The following MAML2 variants were observed in gnomAD, a reference collection of about 807,000 sequenced individuals.
The protein encoded by MAML2 is mastermind-like protein 2.
Under a neutral mutation model 96.1 loss-of-function variants are expected in MAML2, and 22 were observed. The observed-to-expected ratio is 0.23, with a 90% CI of 0.16 to 0.33. The LOEUF (loss-of-function observed/expected upper bound fraction) is 0.33, where lower values mean the gene tolerates loss of function less well. Ranked by LOEUF, MAML2 falls within the 10% of genes least tolerant of loss-of-function variation. The pLI, the probability that MAML2 is intolerant of heterozygous loss-of-function variation, is 1.00. For missense variants in MAML2, 1,367 were observed against 1,392.4 expected (o/e 0.98, Z 0.29); for synonymous variants, 561 against 521.3 (o/e 1.08, Z -1.04).
At chr11:96,116,018 A>G (rs1224219198) in intron 1 of MAML2, among the ~76,000 whole-genome samples, 1 of 152,156 alleles carries the variant, frequency 6.6e-6, no homozygotes, top group African/African-American at 2.4e-5. Flanking sequence ...AAGCTGGTAA[A>G]CTTTTTTTTC....
chr11:96,333,665 C>T (rs186564750), intron 1 of MAML2, among the ~76,000 whole-genome samples: 263 of 152,290 alleles, frequency 1.7e-3, no homozygotes, highest in African/African-American at 5.7e-3. Context: ...GTTGGAAAGA[C>T]GGCAAATCTG....
At chr11:96,313,391 G>A (rs893017424) in intron 1 of MAML2, among the ~76,000 whole-genome samples, 2 of 152,164 alleles carry the variant, frequency 1.3e-5, no homozygotes, top group South Asian at 4.1e-4. Context: ...AGGCTCACTG[G>A]AATTTCGGAA....
intron 2 of MAML2, among the ~76,000 whole-genome samples, chr11:96,068,990 T>C (rs1465972607): frequency 1.4e-5 from 2 of 143,886 alleles, no homozygotes; most frequent in Middle Eastern, 3.6e-3. Flanking sequence ...GGTGTGATCA[T>C]AGCTCACTGC....
At chr11:96,037,527 A>G (rs1858737316) in intron 2 of MAML2, among the ~76,000 whole-genome samples, 1 of 152,224 alleles carries the variant, frequency 6.6e-6, no homozygotes, top group African/African-American at 2.4e-5. Flanking sequence ...TGGAAAACTA[A>G]TAAATACTTA....
chr11:96,141,620 G>A (rs1860731335), intron 1 of MAML2, among the ~76,000 whole-genome samples: 1 of 152,142 alleles, frequency 6.6e-6, no homozygotes, highest in African/African-American at 2.4e-5. Flanking sequence ...CATAGAAAAA[G>A]GGGTGATTCT....
At chr11:96,227,066 G>T (rs868229329) in intron 1 of MAML2, among the ~76,000 whole-genome samples, 2 of 152,136 alleles carry the variant, frequency 1.3e-5, no homozygotes, top group African/African-American at 2.4e-5. Flanking sequence ...ATGTCAAGCT[G>T]TCTCCTACCT....
chr11:96,248,113 C>CTTTTTT (rs35775102), intron 1 of MAML2, among the ~76,000 whole-genome samples: 2 of 132,248 alleles, frequency 1.5e-5, no homozygotes, highest in African/African-American at 5.6e-5. Flanking sequence ...TGTTTTTTTA[C>CTTTTTT]TTTTTTTTTT....
At chr11:96,008,474 T>G (rs1031707039) in intron 2 of MAML2, among the ~76,000 whole-genome samples, 4 of 152,206 alleles carry the variant, frequency 2.6e-5, no homozygotes, top group African/African-American at 7.2e-5. Context: ...GAACAACTTT[T>G]CAGCTGCTGG....
chr11:96,137,946 C>T (rs1370160858), intron 1 of MAML2, among the ~76,000 whole-genome samples: 1 of 152,058 alleles, frequency 6.6e-6, no homozygotes, highest in African/African-American at 2.4e-5. Flanking sequence ...CACAATATTC[C>T]TGTATCCATC....
At chr11:96,330,426 G>C (rs573029) in intron 1 of MAML2, among the ~76,000 whole-genome samples, 2 of 152,168 alleles carry the variant, frequency 1.3e-5, no homozygotes, top group African/African-American at 4.8e-5. Flanking sequence ...GCTCAAAGAC[G>C]TTAAGTAACC....
chr11:96,185,000 T>A, intron 1 of MAML2, among the ~76,000 whole-genome samples: 1 of 152,194 alleles, frequency 6.6e-6, no homozygotes, highest in East Asian at 1.9e-4. Context: ...TAGGAAGAAA[T>A]GAAGAAACTT....
At chr11:96,289,661 C>A (rs1276697440) in intron 1 of MAML2, among the ~76,000 whole-genome samples, 4 of 152,218 alleles carry the variant, frequency 2.6e-5, no homozygotes, top group African/African-American at 9.6e-5. Flanking sequence ...TAACCTGCGA[C>A]AGTTTTAAGG....
chr11:96,155,485 C>T (rs1377720242), intron 1 of MAML2, among the ~76,000 whole-genome samples: 2 of 122,306 alleles, frequency 1.6e-5, no homozygotes, highest in African/African-American at 6.3e-5. Flanking sequence ...ATACTACCCA[C>T]CTCATGGGCG....
intron 2 of MAML2, among the ~76,000 whole-genome samples, chr11:96,039,206 G>A (rs903875271): frequency 2.6e-5 from 4 of 152,014 alleles, no homozygotes; most frequent in Non-Finnish European, 5.9e-5. Flanking sequence ...AGGGAGCCAT[G>A]ATTGCACCAC....
At chr11:96,040,202 C>T (rs1160185999) in intron 2 of MAML2, among the ~76,000 whole-genome samples, 1 of 152,060 alleles carries the variant, frequency 6.6e-6, no homozygotes, top group African/African-American at 2.4e-5. Flanking sequence ...AAAATCCTGG[C>T]ATTCATAGAA....
intron 1 of MAML2, among the ~76,000 whole-genome samples, chr11:96,103,473 G>A (rs1859968476): frequency 6.6e-6 from 1 of 152,112 alleles, no homozygotes; most frequent in Admixed American, 6.5e-5. Context: ...AATCCCATAT[G>A]GCAGGGAGAG....
Position 96,125,903 on chromosome 11 carries a change from C to T in MAML2, c.514-32386G>A, listed in dbSNP as rs900041182. 5.9e-5 allele frequency among the ~76,000 whole-genome samples: 9 copies of T among 152,118 alleles called. No homozygotes were observed. The South Asian group carries it at 8.3e-4, about 14-fold the overall frequency. On this transcript the variant is annotated intron_variant, in intron 1 of 4. Transcript: ENST00000524717. The stretch of plus-strand genomic sequence containing the variant: ...CATTTACCTGCTGAGAAGCAAAGGG[C>T]GTAGATTCTGGTTGTAATTGTGCTA...
At chr11:96,200,078 T>C (rs1403020341) in intron 1 of MAML2, among the ~76,000 whole-genome samples, 1 of 152,122 alleles carries the variant, frequency 6.6e-6, no homozygotes, top group Non-Finnish European at 1.5e-5. Context: ...GAAATAAAAG[T>C]GTGACTACTT....
At chr11:96,216,516 T>G (rs1862051839) in intron 1 of MAML2, among the ~76,000 whole-genome samples, 1 of 152,118 alleles carries the variant, frequency 6.6e-6, no homozygotes, top group Non-Finnish European at 1.5e-5. Flanking sequence ...ATGTAGACAT[T>G]TTGGAAGTTT....
Sources: allele counts gnomAD v4.1 joint callset (sites outside exome capture counted in the v4.1 genomes callset), GRCh38; gene constraint gnomAD v4.1.1; transcripts MANE v1.5; gene names NCBI Gene and HGNC (gene_info 2026-07-23, HGNC 2026-07-21).